The following AUTS2 variants were observed in gnomAD, a reference collection of about 807,000 sequenced individuals.
AUTS2 encodes activator of transcription and developmental regulator AUTS2.
Under a neutral mutation model 112.4 loss-of-function variants are expected in AUTS2, and 17 were observed. That is an observed-to-expected ratio of 0.15 (90% CI 0.10 to 0.23). AUTS2 has a LOEUF of 0.23. Among genes scored for constraint, AUTS2 ranks in the 10% least tolerant of loss-of-function variants. The pLI is 1.00. For synonymous variants in AUTS2, 751 were observed against 702.7 expected (o/e 1.07, Z -1.09); for missense variants, 1,510 against 1,701.6 (o/e 0.89, Z 1.98).
At chr7:69,948,786 AT>A (rs1232176246) in intron 2 of AUTS2, among the ~76,000 whole-genome samples, 1 of 120,384 alleles carries the variant, frequency 8.3e-6, no homozygotes, top group Non-Finnish European at 1.7e-5. Flanking sequence ...TTATTTATTT[AT>A]TTATTTATTT....
intron 5 of AUTS2, among the ~76,000 whole-genome samples, chr7:70,610,423 CTT>C (rs3054735): frequency 0.054 from 4,098 of 76,088 alleles, 76 homozygotes; most frequent in East Asian, 0.073. Context: ...TAGCGCTCAT[CTT>C]TTTTTTTTTT....
chr7:70,203,439 A>G (rs539018182), intron 4 of AUTS2, among the ~76,000 whole-genome samples: 21 of 151,414 alleles, frequency 1.4e-4, no homozygotes, highest in Non-Finnish European at 2.7e-4. Flanking sequence ...TAAAGAATGG[A>G]AGGAAAATAA....
At chr7:70,147,076 G>A (rs1256501444) in intron 4 of AUTS2, among the ~76,000 whole-genome samples, 2 of 151,886 alleles carry the variant, frequency 1.3e-5, no homozygotes, top group Non-Finnish European at 2.9e-5. Context: ...TATCATTTGG[G>A]CCAGGCACAG....
intron 5 of AUTS2, among the ~76,000 whole-genome samples, chr7:70,557,589 G>A (rs1292950589): frequency 6.6e-6 from 1 of 152,216 alleles, no homozygotes; most frequent in Non-Finnish European, 1.5e-5. Flanking sequence ...CCACTGTGTA[G>A]CAGACATGCA....
At position 70,763,152 on chromosome 7, in the gene AUTS2, C is replaced by T. The variant is rs150891487; in HGVS notation, c.1025C>T (p.Pro342Leu). The change falls in exon 7 of 19, where the codon CCA becomes CTA. Residue 342 changes from proline to leucine, a missense_variant. By Grantham distance (98) the Pro-to-Leu change is moderately conservative. Coordinates refer to ENST00000342771, the MANE Select transcript of AUTS2 (RefSeq NM_015570.4). ...CCCCCACCTCTGAGTACACAGCCAC[C>T]ACAGGGCCCTCCTGAGGCCCAGCTC... ...PQPPPLSTQP[P>L]QGPPEAQLQP... is the part of the protein sequence containing the mutation. 273 of 1,614,004 alleles carry T rather than the reference C, an allele frequency of 1.7e-4. No homozygotes were observed. The East Asian group carries it at 5.6e-3, about 33-fold the overall frequency.
chr7:69,640,880 G>A (rs1794771115), intron 1 of AUTS2, among the ~76,000 whole-genome samples: 1 of 152,212 alleles, frequency 6.6e-6, no homozygotes, highest in Non-Finnish European at 1.5e-5. Flanking sequence ...ATTAAGTGCT[G>A]TTCCTAGCAG....
At chr7:70,501,178 T>G (rs1798758193) in intron 5 of AUTS2, among the ~76,000 whole-genome samples, 1 of 152,246 alleles carries the variant, frequency 6.6e-6, no homozygotes, top group African/African-American at 2.4e-5. Context: ...GGTATATCAT[T>G]AAGCATATCA....
chr7:70,474,905 A>G (rs1487430765), intron 5 of AUTS2, among the ~76,000 whole-genome samples: 1 of 151,996 alleles, frequency 6.6e-6, no homozygotes. Flanking sequence ...TCTGGCTCAT[A>G]CTCCTTTGGG....
intron 1 of AUTS2, among the ~76,000 whole-genome samples, chr7:69,806,028 T>C (rs916805525): frequency 1.3e-4 from 19 of 151,950 alleles, no homozygotes; most frequent in African/African-American, 4.6e-4. Flanking sequence ...GCCTCCTGAG[T>C]AGCTGGGACT....
chr7:70,261,049 C>CCT (rs1787147111), intron 4 of AUTS2, among the ~76,000 whole-genome samples: 1 of 151,806 alleles, frequency 6.6e-6, no homozygotes, highest in South Asian at 2.1e-4. Flanking sequence ...GCCCGGCCAA[C>CCT]CTGTACACTT....
chr7:70,490,389 G>C (rs887719101), intron 5 of AUTS2, among the ~76,000 whole-genome samples: 1 of 151,858 alleles, frequency 6.6e-6, no homozygotes, highest in South Asian at 2.1e-4. Context: ...ACAGGAGCTC[G>C]ACAAGCAGAG....
At chr7:70,429,759 C>G (rs936212928) in intron 4 of AUTS2, among the ~76,000 whole-genome samples, 6 of 151,962 alleles carry the variant, frequency 3.9e-5, no homozygotes, top group African/African-American at 1.2e-4. Context: ...TTTTCTTTTT[C>G]ATTTTTCAAG....
At chr7:70,323,847 C>A (rs963247792) in intron 4 of AUTS2, among the ~76,000 whole-genome samples, 3 of 152,130 alleles carry the variant, frequency 2.0e-5, no homozygotes, top group Non-Finnish European at 4.4e-5. Context: ...TTGAACATGT[C>A]CTATTGACAG....
chr7:70,149,332 A>T (rs1807301540), intron 4 of AUTS2, among the ~76,000 whole-genome samples: 1 of 152,126 alleles, frequency 6.6e-6, no homozygotes, highest in African/African-American at 2.4e-5. Flanking sequence ...CTTCAGAAAC[A>T]TTGCATTAGG....
chr7:70,595,919 T>A (rs1803175207), intron 5 of AUTS2, among the ~76,000 whole-genome samples: 1 of 151,984 alleles, frequency 6.6e-6, no homozygotes, highest in Non-Finnish European at 1.5e-5. Context: ...CCCCGCCCCG[T>A]GCCTTGCCGG....
At chr7:70,161,207 C>G (rs940793449) in intron 4 of AUTS2, among the ~76,000 whole-genome samples, 1 of 151,886 alleles carries the variant, frequency 6.6e-6, no homozygotes, top group East Asian at 1.9e-4. Context: ...CTGACTTCCC[C>G]TGTGGGGACA....
intron 1 of AUTS2, among the ~76,000 whole-genome samples, chr7:69,614,314 C>CTCCTTCTTTCTTTCTTTCTT (rs1793205152): frequency 1.2e-5 from 1 of 83,320 alleles, no homozygotes; most frequent in Non-Finnish European, 2.4e-5. Context: ...CACTCTCCGT[C>CTCCTTCTTTCTTTCTTTCTT]TCTTTCTTTC....
chr7:70,430,040 T>C lies in AUTS2; in HGVS notation c.661-5712T>C, dbSNP rs1795588737. Among the ~76,000 whole-genome samples, 4 of 152,142 alleles carry C rather than the reference T, an allele frequency of 2.6e-5. No individual in the cohort carries two copies. In the South Asian group the frequency reaches 8.3e-4, roughly 31 times the overall value. On this transcript the variant is annotated intron_variant, in intron 4 of 18. Coordinates refer to ENST00000342771, the MANE Select transcript of AUTS2 (RefSeq NM_015570.4). ...TTAGAAAAGGAAGAGAGCATAGACC[T>C]TGGAAAGCAGTCATTATCCTCTTGT...
At chr7:70,010,875 T>C (rs1193468621) in intron 2 of AUTS2, among the ~76,000 whole-genome samples, 1 of 152,088 alleles carries the variant, frequency 6.6e-6, no homozygotes, top group Admixed American at 6.6e-5. Context: ...ATTCTGGATA[T>C]TAGAAATTGG....
Sources: allele counts gnomAD v4.1 joint callset (sites outside exome capture counted in the v4.1 genomes callset), GRCh38; gene constraint gnomAD v4.1.1; transcripts MANE v1.5; gene names NCBI Gene and HGNC (gene_info 2026-07-23, HGNC 2026-07-21).